The following FOXO3 variants were observed in gnomAD, a reference collection of about 807,000 sequenced individuals.
The protein encoded by FOXO3 is forkhead box O3.
Under a neutral mutation model 41.9 loss-of-function variants are expected in FOXO3, and 4 were observed. That is an observed-to-expected ratio of 0.10 (90% CI 0.05 to 0.22). The LOEUF (loss-of-function observed/expected upper bound fraction) is 0.22, where lower values mean the gene tolerates loss of function less well. Ranked by LOEUF, FOXO3 falls within the 10% of genes least tolerant of loss-of-function variation. The pLI is 1.00. For synonymous variants in FOXO3, 318 were observed against 389.3 expected (o/e 0.82, Z 2.16); for missense variants, 534 against 906.8 (o/e 0.59, Z 5.28).
At chr6:108,658,571 G>A (rs961653602) in intron 1 of FOXO3, among the ~76,000 whole-genome samples, 4 of 152,030 alleles carry the variant, frequency 2.6e-5, no homozygotes, top group Admixed American at 1.3e-4. Flanking sequence ...TTTTTGAGAC[G>A]GAATCTCACT....
At chr6:108,641,254 T>G (rs1440695041) in intron 1 of FOXO3, among the ~76,000 whole-genome samples, 1 of 152,184 alleles carries the variant, frequency 6.6e-6, no homozygotes, top group Non-Finnish European at 1.5e-5. Context: ...GTAGCTAATT[T>G]TGATTTTCTT....
At chr6:108,616,455 C>A (rs1168138189) in intron 1 of FOXO3, among the ~76,000 whole-genome samples, 1 of 152,080 alleles carries the variant, frequency 6.6e-6, no homozygotes, top group Non-Finnish European at 1.5e-5. Context: ...AGCCACCACA[C>A]CCGGCCAATG....
intron 1 of FOXO3, among the ~76,000 whole-genome samples, chr6:108,573,521 A>G (rs1386689815): frequency 2.6e-5 from 4 of 152,150 alleles, no homozygotes; most frequent in Admixed American, 2.6e-4. Context: ...TGATTTTTGC[A>G]TGAGCTAAAT....
chr6:108,628,982 A>C (rs894776514), intron 1 of FOXO3, among the ~76,000 whole-genome samples: 2 of 152,088 alleles, frequency 1.3e-5, no homozygotes, highest in East Asian at 3.9e-4. Flanking sequence ...AATCTGACAG[A>C]CCTGGGCTCT....
At chr6:108,613,886 C>T (rs1475933158) in intron 1 of FOXO3, among the ~76,000 whole-genome samples, 1 of 152,142 alleles carries the variant, frequency 6.6e-6, no homozygotes, top group Non-Finnish European at 1.5e-5. Flanking sequence ...TTCCTTGCTA[C>T]AACTGCTATA....
At chr6:108,660,825 T>C (rs898646107) in intron 1 of FOXO3, among the ~76,000 whole-genome samples, 9 of 152,146 alleles carry the variant, frequency 5.9e-5, no homozygotes, top group Non-Finnish European at 8.8e-5. Flanking sequence ...GCTAACACGA[T>C]GTAGAGACAG....
At chr6:108,560,588 G>A (rs1386359974), upstream of FOXO3, among the ~76,000 whole-genome samples, 2 of 152,148 alleles carry the variant, frequency 1.3e-5, no homozygotes, top group South Asian at 4.1e-4. Context: ...GGGGGTCGCG[G>A]AGGCGGCCAG....
intron 1 of FOXO3, among the ~76,000 whole-genome samples, chr6:108,576,458 G>T (rs12200646): frequency 6.6e-6 from 1 of 152,132 alleles, no homozygotes; most frequent in Non-Finnish European, 1.5e-5. Flanking sequence ...TAATTTATCA[G>T]CAACCTGTGC....
At chr6:108,641,067 G>A (rs1236783928) in intron 1 of FOXO3, among the ~76,000 whole-genome samples, 8 of 151,832 alleles carry the variant, frequency 5.3e-5, no homozygotes, top group African/African-American at 1.2e-4. Flanking sequence ...ACCCCACTAC[G>A]CCCGGCTAAT....
intron 2 of FOXO3, among the ~76,000 whole-genome samples, chr6:108,669,804 A>G (rs975670426): frequency 6.6e-6 from 1 of 152,156 alleles, no homozygotes; most frequent in Admixed American, 6.5e-5. Flanking sequence ...TATAAAATGC[A>G]CCTGTTTTCA....
chr6:108,679,215 C>A (rs1055025242), intron 2 of FOXO3, among the ~76,000 whole-genome samples: 1 of 152,070 alleles, frequency 6.6e-6, no homozygotes, highest in Non-Finnish European at 1.5e-5. Context: ...ATTACTTACT[C>A]TTTTTATGGT....
chr6:108,641,095 A>G (rs1778245350), intron 1 of FOXO3, among the ~76,000 whole-genome samples: 1 of 152,054 alleles, frequency 6.6e-6, no homozygotes, highest in African/African-American at 2.4e-5. Flanking sequence ...TTTTTAGTAG[A>G]GACAGGGTTT....
chr6:108,664,620 G>C lies in FOXO3; in HGVS notation c.1787G>C (p.Ser596Thr). The change falls in exon 2 of 3, where the codon AGT (serine) becomes ACT (threonine). Residue 596 changes from serine (S) to threonine (T), a missense_variant. By Grantham distance (58) the Ser-to-Thr change is moderately conservative (BLOSUM62 1). This residue lies in a region of FOXO3 where 94 missense variants were observed against 214.4 expected (regional missense o/e 0.44). Coordinates refer to ENST00000406360, the MANE Select transcript of FOXO3 (RefSeq NM_001455.4). ...TCAGGCTCCTCCTTGTACTCAACTA[G>C]TGCAAACCTGCCCGTCATGGGCCAT... ...SLSGSSLYST[S>T]ANLPVMGHEK... The C allele has an allele frequency of 1.0e-6, 1 of 997,488 alleles. No individual in the cohort carries two copies. The highest frequency in any genetic ancestry group is 1.6e-6 in the Non-Finnish European group (1 of 628,842). 61.8% of individuals were successfully genotyped at this position (997,488 alleles called of 1,614,324 possible).
chr6:108,607,626 A>C lies in FOXO3; in HGVS notation c.621+45797A>C, dbSNP rs139603002. On this transcript the variant is annotated intron_variant, in intron 1 of 2. Transcript: ENST00000406360. ...TAGATGTCTAGATGATTATGGATACATTCTTTTCAGTCTCTAAAGTCTGAG... is the reference window on the plus strand; with the variant it reads ...TAGATGTCTAGATGATTATGGATACCTTCTTTTCAGTCTCTAAAGTCTGAG... Among the ~76,000 whole-genome samples the C allele has an allele frequency of 4.6e-5, 7 of 152,286 alleles. No individual in the cohort carries two copies. The East Asian group carries it at 1.4e-3, about 29-fold the overall frequency.
chr6:108,577,635 A>G (rs926197341), intron 1 of FOXO3, among the ~76,000 whole-genome samples: 8 of 152,174 alleles, frequency 5.3e-5, no homozygotes, highest in Non-Finnish European at 1.0e-4. Context: ...CTGGGCATCT[A>G]TGTTTTTTAA....
chr6:108,662,817 A>G (rs906326359), intron 1 of FOXO3, among the ~76,000 whole-genome samples: 9 of 152,176 alleles, frequency 5.9e-5, no homozygotes, highest in Non-Finnish European at 8.8e-5. Flanking sequence ...AATATGGGCA[A>G]TATAATTACA....
chr6:108,645,636 C>T (rs892520566), intron 1 of FOXO3, among the ~76,000 whole-genome samples: 4 of 152,114 alleles, frequency 2.6e-5, no homozygotes, highest in Non-Finnish European at 5.9e-5. Context: ...CAGTCGGCAA[C>T]ATTAGAAGAT....
intron 1 of FOXO3, among the ~76,000 whole-genome samples, chr6:108,584,195 A>G (rs1196171169): frequency 6.6e-6 from 1 of 152,160 alleles, no homozygotes; most frequent in Non-Finnish European, 1.5e-5. Flanking sequence ...GGTGATAGGG[A>G]TATGCAAACA....
At chr6:108,671,917 A>C (rs1779226234) in intron 2 of FOXO3, among the ~76,000 whole-genome samples, 1 of 152,260 alleles carries the variant, frequency 6.6e-6, no homozygotes, top group African/African-American at 2.4e-5. Context: ...TGTTTGTGGT[A>C]TCCAAAGTGC....
Sources: gnomAD v4.1 joint callset for allele counts (sites outside exome capture counted in the v4.1 genomes callset) on GRCh38, gnomAD v4.1.1 for gene constraint, gnomAD v4.1.1 regional missense constraint, MANE v1.5 for transcripts, NCBI Gene and HGNC (gene_info 2026-07-23, HGNC 2026-07-21) for gene names.